The following DAP variants were observed in gnomAD, a reference collection of about 807,000 sequenced individuals.
DAP encodes the protein death-associated protein 1.
DAP carries 8 observed loss-of-function variants against 13.8 expected under a neutral mutation model. The observed-to-expected ratio is 0.58, with a 90% CI of 0.34 to 1.05. DAP has a LOEUF of 1.05. DAP is among the 50% of genes least tolerant of loss of function. The pLI, the probability that DAP is intolerant of heterozygous loss-of-function variation, is 0.03. For synonymous variants in DAP, 47 were observed against 47.5 expected (o/e 0.99, Z 0.04); for missense variants, 106 against 133.2 (o/e 0.80, Z 1.01).
At chr5:10,718,889 G>A (rs930896291) in intron 2 of DAP, among the ~76,000 whole-genome samples, 9 of 152,182 alleles carry the variant, frequency 5.9e-5, no homozygotes, top group Non-Finnish European at 1.2e-4. Context: ...AATCTTATTC[G>A]GAGAGACCTT....
rs181865296 is a variant in DAP at position 10,760,000 on chromosome 5, C to A, written c.55+1014G>T. Among the ~76,000 whole-genome samples the A allele has an allele frequency of 2.1e-3, 313 of 152,154 alleles. 1 individual carries two copies. The highest frequency in any genetic ancestry group is 6.8e-3 in the African/African-American group (281 of 41,500). ...GAACTCCTGACCTCAAGTGATCCAC[C>A]CTCCTTGGCCTCCCAAACTGCTGGG... On this transcript the variant is annotated intron_variant, in intron 1 of 3. Coordinates refer to ENST00000230895, the MANE Select transcript of DAP (RefSeq NM_004394.3).
intron 2 of DAP, among the ~76,000 whole-genome samples, chr5:10,721,258 A>G (rs1739131547): frequency 6.6e-6 from 1 of 152,112 alleles, no homozygotes; most frequent in Admixed American, 6.6e-5. Context: ...GGCACTACTC[A>G]CCATCACCCC....
chr5:10,751,740 G>C (rs1007910371), intron 1 of DAP, among the ~76,000 whole-genome samples: 35 of 152,206 alleles, frequency 2.3e-4, no homozygotes, highest in African/African-American at 8.0e-4. Flanking sequence ...AAGAGAAAGA[G>C]ACACCGGGTC....
In DAP at chr5:10,726,839, T is replaced by C. The variant is rs534067846; in HGVS notation, c.152+21336A>G. Among the ~76,000 whole-genome samples, 3 of 152,226 alleles carry C rather than the reference T, an allele frequency of 2.0e-5. No individual in the cohort carries two copies. In the South Asian group the frequency reaches 6.2e-4, roughly 32 times the overall value. Reference sequence around the variant, plus strand: ...GTCAGAGAGAGCAGAAAGAACGACATCTTAGCACTAGTTTGCTAAGTGCCA... The same window carrying C: ...GTCAGAGAGAGCAGAAAGAACGACACCTTAGCACTAGTTTGCTAAGTGCCA... On this transcript the variant is annotated intron_variant, in intron 2 of 3. Transcript: ENST00000230895.
At chr5:10,715,885 T>C (rs1171267850) in intron 2 of DAP, among the ~76,000 whole-genome samples, 3 of 152,252 alleles carry the variant, frequency 2.0e-5, no homozygotes, top group Non-Finnish European at 2.9e-5. Context: ...AACAATTAAT[T>C]TGATGATCCC....
chr5:10,744,093 T>C (rs1739839218), intron 2 of DAP, among the ~76,000 whole-genome samples: 1 of 152,244 alleles, frequency 6.6e-6, no homozygotes, highest in Admixed American at 6.5e-5. Flanking sequence ...CCCTTTTCTC[T>C]GTAATCAGTA....
At chr5:10,693,950 C>T (rs913414429) in intron 2 of DAP, among the ~76,000 whole-genome samples, 3 of 152,132 alleles carry the variant, frequency 2.0e-5, no homozygotes, top group Admixed American at 1.3e-4. Context: ...TGAGTTCCTT[C>T]GGCAGGTGAT....
At chr5:10,723,761 T>C (rs1209289602) in intron 2 of DAP, among the ~76,000 whole-genome samples, 2 of 152,184 alleles carry the variant, frequency 1.3e-5, no homozygotes, top group Non-Finnish European at 2.9e-5. Context: ...TAAAGATCTC[T>C]GGTCTGAGTT....
At chr5:10,749,907 C>G (rs758650754) in intron 1 of DAP, among the ~76,000 whole-genome samples, 127 of 152,236 alleles carry the variant, frequency 8.3e-4, no homozygotes, top group Non-Finnish European at 1.4e-3. Flanking sequence ...TCCTCCACGC[C>G]CTCAGCTATG....
chr5:10,685,173 G>A (rs1485259355), intron 2 of DAP, among the ~76,000 whole-genome samples: 1 of 152,228 alleles, frequency 6.6e-6, no homozygotes, highest in East Asian at 1.9e-4. Context: ...GTTACTTCGC[G>A]ACATTAAGAA....
chr5:10,686,049 C>T (rs1466680245), intron 2 of DAP, among the ~76,000 whole-genome samples: 1 of 152,140 alleles, frequency 6.6e-6, no homozygotes, highest in African/African-American at 2.4e-5. Context: ...TATGGGTGTC[C>T]ATCTTCATTA....
At chr5:10,730,038 G>A (rs1467194026) in intron 2 of DAP, among the ~76,000 whole-genome samples, 3 of 152,202 alleles carry the variant, frequency 2.0e-5, no homozygotes, top group African/African-American at 4.8e-5. Flanking sequence ...CCTCACAGGC[G>A]GTTTTCTCAG....
At chr5:10,697,167 T>G (rs1738455671) in intron 2 of DAP, among the ~76,000 whole-genome samples, 1 of 152,220 alleles carries the variant, frequency 6.6e-6, no homozygotes, top group African/African-American at 2.4e-5. Context: ...GGGCCATCTC[T>G]AAAGACGCTA....
chr5:10,702,523 T>G (rs1738606231), intron 2 of DAP, among the ~76,000 whole-genome samples: 1 of 152,196 alleles, frequency 6.6e-6, no homozygotes, highest in South Asian at 2.1e-4. Context: ...CCTGGAAGAT[T>G]GGCTTTTCTC....
intron 2 of DAP, among the ~76,000 whole-genome samples, chr5:10,708,464 C>T (rs1435029046): frequency 3.1e-5 from 4 of 128,030 alleles, no homozygotes; most frequent in African/African-American, 1.1e-4. Context: ...CACACACACA[C>T]GCACATATCT....
chr5:10,722,539 T>C (rs1408610972), intron 2 of DAP, among the ~76,000 whole-genome samples: 1 of 148,908 alleles, frequency 6.7e-6, no homozygotes, highest in Non-Finnish European at 1.5e-5. Context: ...TGCATATATA[T>C]ACATATATAC....
At chr5:10,727,721 T>C (rs1579808239) in intron 2 of DAP, among the ~76,000 whole-genome samples, 2 of 152,188 alleles carry the variant, frequency 1.3e-5, no homozygotes, top group East Asian at 3.8e-4. Flanking sequence ...TCTGGGAGTA[T>C]AAATTGAGAT....
At chr5:10,744,387 A>G (rs1414152843) in intron 2 of DAP, among the ~76,000 whole-genome samples, 1 of 152,248 alleles carries the variant, frequency 6.6e-6, no homozygotes, top group Non-Finnish European at 1.5e-5. Context: ...TTCTGCAAGT[A>G]AGTAGGCTTT....
At chr5:10,755,158 G>A (rs1740150889) in intron 1 of DAP, among the ~76,000 whole-genome samples, 1 of 152,230 alleles carries the variant, frequency 6.6e-6, no homozygotes, top group Non-Finnish European at 1.5e-5. Context: ...GGCTCTGAGT[G>A]TGTGATGTGA....
Sources: allele counts gnomAD v4.1 joint callset (sites outside exome capture counted in the v4.1 genomes callset), GRCh38; gene constraint gnomAD v4.1.1; transcripts MANE v1.5; gene names NCBI Gene and HGNC (gene_info 2026-07-23, HGNC 2026-07-21).